The following TSHZ1 variants were observed in gnomAD, a reference collection of about 807,000 sequenced individuals.
TSHZ1 encodes the protein teashirt homolog 1.
TSHZ1 carries 12 observed loss-of-function variants against 67.1 expected under a neutral mutation model. That is an observed-to-expected ratio of 0.18 (90% confidence interval 0.11 to 0.29). The LOEUF is 0.29. Ranked by LOEUF, TSHZ1 falls within the 10% of genes least tolerant of loss-of-function variation. TSHZ1 has a pLI of 1.00. For missense variants in TSHZ1, 1,305 were observed against 1,413.9 expected (o/e 0.92, Z 1.23); for synonymous variants, 632 against 622.4 (o/e 1.02, Z -0.23).
Position 75,287,672 on chromosome 18 carries a change from C to T in TSHZ1, c.2265C>T (p.Thr755=), listed in dbSNP as rs1269532217. Residue 755 remains threonine (T), a synonymous_variant, in exon 2 of 2, where the codon ACC becomes ACT. Coordinates refer to ENST00000580243, the MANE Select transcript of TSHZ1 (RefSeq NM_001308210.2). This position sits in a 1 kb window ranked among gnomAD's most constrained non-coding sequence, Gnocchi z 5.0. ...PLSALQSIMN[T]HLGKVSKPVS... ...GCGCTTTGCAGTCCATCATGAACACCCACCTGGGCAAGGTGTCCAAGCCCG... is the reference window on the plus strand; with the variant it reads ...GCGCTTTGCAGTCCATCATGAACACTCACCTGGGCAAGGTGTCCAAGCCCG... 3 of 1,614,088 alleles carry T rather than the reference C, an allele frequency of 1.9e-6. No individual in the cohort carries two copies. Among genetic ancestry groups the T allele is most frequent in the Non-Finnish European group, 2.5e-6 (3 of 1,180,052 alleles).
intron 1 of TSHZ1, 57 bp from the exon 2 acceptor site, chr18:75,285,391 G>C: frequency 7.1e-7 from 1 of 1,415,228 alleles, no homozygotes; most frequent in Non-Finnish European, 9.2e-7. Context: ...TGCTGGGGAG[G>C]CTGTCTCTTT....
intron 1 of TSHZ1, among the ~76,000 whole-genome samples, chr18:75,282,564 C>T (rs1001925511): frequency 2.4e-4 from 37 of 152,242 alleles, no homozygotes; most frequent in African/African-American, 8.9e-4. Flanking sequence ...GTCACAGGGC[C>T]GTCGTCCAAC....
rs148240249 is a variant in TSHZ1, at chr18:75,266,399, G to A, written c.41-19049G>A. ...CACAGAGTACCCTTTCATTGAGTTC[G>A]TGTGCAGATAACATAGGTCCCCATG... is the stretch of plus-strand genomic sequence containing the variant. On this transcript the variant is annotated intron_variant, in intron 1 of 1. Transcript: ENST00000580243. Among the ~76,000 whole-genome samples the A allele has an allele frequency of 8.9e-4, 135 of 152,238 alleles. 2 individuals are homozygous for A. The highest frequency in any genetic ancestry group is 3.1e-3 in the African/African-American group (127 of 41,534).
intron 1 of TSHZ1, among the ~76,000 whole-genome samples, chr18:75,276,170 A>T (rs2122602859): frequency 6.6e-6 from 1 of 152,346 alleles, no homozygotes. Context: ...CAGTGAGAGA[A>T]AGAAGAAATT....
Position 75,286,702 on chromosome 18 carries a change from C to T in TSHZ1, c.1295C>T (p.Thr432Ile), listed in dbSNP as rs747005684. 1 of 1,614,062 alleles carries T rather than the reference C, an allele frequency of 6.2e-7. No individual in the cohort carries two copies. The highest frequency in any genetic ancestry group is 1.1e-5 in the South Asian group (1 of 91,084). Residue 432 changes from threonine to isoleucine, a missense_variant, in exon 2 of 2, where the codon ACC (threonine) becomes ATC (isoleucine). Thr to Ile is a moderately conservative substitution (Grantham distance 89). Around this residue, in one of 3 missense-constraint regions of TSHZ1, gnomAD observed 909 missense variants for 961.8 expected, o/e 0.95. Coordinates refer to ENST00000580243, the MANE Select transcript of TSHZ1 (RefSeq NM_001308210.2). The surrounding 1 kb of genome is among the most constrained non-coding windows in gnomAD (Gnocchi z 5.1). ...GSSHDTLQQL[T>I]AHMMVTGHFL... is the part of the protein sequence containing the mutation. The stretch of plus-strand genomic sequence containing the variant: ...TCCCACGACACGCTGCAGCAGCTCA[C>T]CGCCCACATGATGGTCACCGGGCAC...
intron 1 of TSHZ1, among the ~76,000 whole-genome samples, chr18:75,266,770 G>A (rs1270462007): frequency 6.6e-6 from 1 of 152,170 alleles, no homozygotes; most frequent in Non-Finnish European, 1.5e-5. Flanking sequence ...GGGACTCCCT[G>A]GGACTGTGTT....
At chr18:75,258,076 T>G (rs1009016818) in intron 1 of TSHZ1, among the ~76,000 whole-genome samples, 3 of 152,172 alleles carry the variant, frequency 2.0e-5, no homozygotes, top group Non-Finnish European at 2.9e-5. Context: ...ATCTGCCGGC[T>G]GCTGCTCCTC....
intron 1 of TSHZ1, among the ~76,000 whole-genome samples, chr18:75,245,707 TC>T (rs1439650563): frequency 6.6e-6 from 1 of 152,208 alleles, no homozygotes; most frequent in Admixed American, 6.5e-5. Context: ...GTGTTTCACA[TC>T]CGGGAAGTCG....
Position 75,288,546 on chromosome 18 carries a change from G to C in TSHZ1, c.3139G>C (p.Ala1047Pro). 6.2e-7 allele frequency: 1 copy of C among 1,614,222 alleles called. No individual in the cohort carries two copies. Among genetic ancestry groups the C allele is most frequent in the Non-Finnish European group, 8.5e-7 (1 of 1,180,056 alleles). ...ATGTAAGCTCTGCAACCGGACTTTT[G>C]CGAGCAAGCACGCAGTCAAACTGCA... ...FQCKLCNRTF[A>P]SKHAVKLHLS... The change falls in exon 2 of 2, where the codon GCG becomes CCG. Residue 1047 changes from alanine (A) to proline (P), a missense_variant. Ala to Pro is a conservative substitution (Grantham distance 27). This residue lies in a region of TSHZ1 where 909 missense variants were observed against 961.8 expected (regional missense o/e 0.95). Transcript: ENST00000580243. This position sits in a 1 kb window ranked among gnomAD's most constrained non-coding sequence, Gnocchi z 4.9.
intron 1 of TSHZ1, among the ~76,000 whole-genome samples, chr18:75,223,604 C>T (rs1301379760): frequency 6.6e-6 from 1 of 150,418 alleles, no homozygotes; most frequent in Non-Finnish European, 1.5e-5. Flanking sequence ...GTGGTTGGGG[C>T]TTTTTTGAAA....
chr18:75,266,013 A>G (rs541410318), intron 1 of TSHZ1, among the ~76,000 whole-genome samples: 117 of 152,326 alleles, frequency 7.7e-4, no homozygotes, highest in African/African-American at 2.7e-3. Flanking sequence ...TGGTATCAAC[A>G]TTGTATTACT....
At chr18:75,251,432 A>T (rs1242394488) in intron 1 of TSHZ1, among the ~76,000 whole-genome samples, 1 of 150,422 alleles carries the variant, frequency 6.6e-6, no homozygotes, top group Non-Finnish European at 1.5e-5. Flanking sequence ...TTTTTCACTC[A>T]CTAAATGGTG....
intron 1 of TSHZ1, among the ~76,000 whole-genome samples, chr18:75,228,675 G>C (rs1249567399): frequency 1.3e-5 from 2 of 152,232 alleles, no homozygotes; most frequent in African/African-American, 4.8e-5. Context: ...CAGGATGGCA[G>C]CGCTATTGAC....
intron 1 of TSHZ1, among the ~76,000 whole-genome samples, chr18:75,257,868 T>G (rs2023380737): frequency 6.6e-6 from 1 of 152,190 alleles, no homozygotes; most frequent in Admixed American, 6.5e-5. Context: ...TCAGTTTCTT[T>G]GTAAAATGAT....
At chr18:75,213,910 G>C (rs537311437) in intron 1 of TSHZ1, among the ~76,000 whole-genome samples, 26 of 152,308 alleles carry the variant, frequency 1.7e-4, no homozygotes, top group Non-Finnish European at 2.2e-4. Context: ...GTCATCTGCT[G>C]TACAGGAACT....
Position 75,211,791 on chromosome 18 carries a change from A to G in TSHZ1, c.-86A>G. ...GAGGCCAAAGTTGGGCGCGCCGCGGAGTTGCGCCCGCGCCCGGGGCCCCGC... is the reference window on the plus strand; with the variant it reads ...GAGGCCAAAGTTGGGCGCGCCGCGGGGTTGCGCCCGCGCCCGGGGCCCCGC... On this transcript the variant is annotated 5_prime_UTR_variant, in exon 1 of 2. Transcript: ENST00000580243. 1.1e-6 allele frequency: 1 copy of G among 890,718 alleles called. No homozygotes were observed. The highest frequency in any genetic ancestry group is 6.0e-5 in the Admixed American group (1 of 16,574). 55.2% of individuals were successfully genotyped at this position (890,718 alleles called of 1,614,324 possible). A position where few individuals can be genotyped will look rare whatever the true frequency, so the allele number is the denominator to read the frequency against.
At chr18:75,261,818 G>C (rs572217539) in intron 1 of TSHZ1, among the ~76,000 whole-genome samples, 2 of 152,166 alleles carry the variant, frequency 1.3e-5, no homozygotes, top group Admixed American at 1.3e-4. Flanking sequence ...TCGGGGGTGC[G>C]TGTTAATTTC....
At chr18:75,269,305 A>G (rs1198812190) in intron 1 of TSHZ1, among the ~76,000 whole-genome samples, 1 of 152,196 alleles carries the variant, frequency 6.6e-6, no homozygotes, top group East Asian at 1.9e-4. Context: ...TGGAACAGCT[A>G]CTTTGTTCCA....
At chr18:75,243,869 A>G (rs1399662715) in intron 1 of TSHZ1, among the ~76,000 whole-genome samples, 1 of 152,134 alleles carries the variant, frequency 6.6e-6, no homozygotes, top group Admixed American at 6.5e-5. Flanking sequence ...CTTGGTACAG[A>G]CTTTTCAGTT....
Sources: gnomAD v4.1 joint callset for allele counts (sites outside exome capture counted in the v4.1 genomes callset) on GRCh38, gnomAD v4.1.1 for gene constraint, gnomAD v4.1.1 regional missense constraint, Gnocchi (gnomAD v3.1) non-coding constraint, MANE v1.5 for transcripts, NCBI Gene and HGNC (gene_info 2026-07-23, HGNC 2026-07-21) for gene names.